The following CRIM1 variants were observed in gnomAD, a reference collection of about 807,000 sequenced individuals.
CRIM1 encodes cysteine-rich motor neuron 1 protein.
CRIM1 carries 32 observed loss-of-function variants against 116.4 expected under a neutral mutation model. The ratio of observed to expected loss-of-function variants is 0.27; its 90% CI spans 0.21 to 0.37. The LOEUF (loss-of-function observed/expected upper bound fraction) is 0.37, where lower values mean the gene tolerates loss of function less well. CRIM1 is among the 10% of genes least tolerant of loss of function. CRIM1 has a pLI of 1.00. For missense variants in CRIM1, 1,331 were observed against 1,354.8 expected (o/e 0.98, Z 0.28); for synonymous variants, 590 against 509.2 (o/e 1.16, Z -2.13).
At position 36,550,346 on chromosome 2, in the gene CRIM1, A is replaced by G. The variant is rs1370027526; in HGVS notation, c.*1645A>G. On this transcript the variant is annotated 3_prime_UTR_variant, in exon 17 of 17. Coordinates refer to ENST00000280527, the MANE Select transcript of CRIM1 (RefSeq NM_016441.3). The stretch of plus-strand genomic sequence containing the variant: ...TCAAATATAACTGACTGTATACTAT[A>G]GTGGTAACTTTTCAAACAGCCCTTA... 6.6e-6 allele frequency: 1 copy of G among 151,968 alleles called. No homozygotes were observed. Among genetic ancestry groups the G allele is most frequent in the Non-Finnish European group, 1.5e-5 (1 of 67,974 alleles). 9.4% of individuals were successfully genotyped at this position (151,968 alleles called of 1,614,324 possible).
chr2:36,533,314 G>A (rs1666243554), intron 13 of CRIM1, among the ~76,000 whole-genome samples: 1 of 151,260 alleles, frequency 6.6e-6, no homozygotes, highest in Non-Finnish European at 1.5e-5. Flanking sequence ...TGAGCAAGGT[G>A]TTGGTGGCTC....
chr2:36,547,571 G>GA (rs1667440930), intron 16 of CRIM1, among the ~76,000 whole-genome samples: 1 of 152,176 alleles, frequency 6.6e-6, no homozygotes, highest in African/African-American at 2.4e-5. Context: ...AAGGGATGGA[G>GA]ATAATACTCA....
At chr2:36,534,360 GAGGGAGGGAAGGGGAAGGA>G (rs1666355166) in intron 13 of CRIM1, among the ~76,000 whole-genome samples, 1 of 127,808 alleles carries the variant, frequency 7.8e-6, no homozygotes. Flanking sequence ...GGGAAGGAAA[GAGGGAGGGAAGGGGAAGGA>G]AGGGAGGGAG....
chr2:36,533,356 A>C (rs1332739187), intron 13 of CRIM1, among the ~76,000 whole-genome samples: 3 of 150,746 alleles, frequency 2.0e-5, no homozygotes, highest in Admixed American at 1.3e-4. Context: ...TGGGAGACTA[A>C]GGCAGGTAGC....
chr2:36,515,258 A>G (rs137868253), intron 11 of CRIM1, among the ~76,000 whole-genome samples: 13 of 152,348 alleles, frequency 8.5e-5, no homozygotes, highest in African/African-American at 2.9e-4. Context: ...AAGAATGGAT[A>G]ATTGACCTGA....
chr2:36,378,074 G>T (rs1325938132), intron 1 of CRIM1, among the ~76,000 whole-genome samples: 1 of 152,196 alleles, frequency 6.6e-6, no homozygotes, highest in Non-Finnish European at 1.5e-5. Flanking sequence ...ATATTAACGA[G>T]ACTTTACCCT....
At chr2:36,442,590 G>T in intron 3 of CRIM1, 25 bp from the exon 4 acceptor site, 3 of 1,613,954 alleles carry the variant, frequency 1.9e-6, no homozygotes, top group Non-Finnish European at 2.5e-6. Context: ...ACAATAAACG[G>T]TGCCTCTCTG....
chr2:36,447,265 C>T (rs1021821660), intron 4 of CRIM1, among the ~76,000 whole-genome samples: 2 of 152,106 alleles, frequency 1.3e-5, no homozygotes, highest in Non-Finnish European at 2.9e-5. Flanking sequence ...AAACCCTGTG[C>T]TCTTTCCACT....
chr2:36,494,481 T>C (rs548531115), intron 7 of CRIM1, among the ~76,000 whole-genome samples: 9 of 152,332 alleles, frequency 5.9e-5, no homozygotes, highest in African/African-American at 2.2e-4. Context: ...ATATTTTCTT[T>C]CAAAATTTTG....
At chr2:36,531,413 T>G (rs1228223187) in intron 13 of CRIM1, among the ~76,000 whole-genome samples, 1 of 151,780 alleles carries the variant, frequency 6.6e-6, no homozygotes, top group African/African-American at 2.4e-5. Context: ...TGTTTTTTTT[T>G]TTTTCCAGAG....
chr2:36,509,905 C>A, intron 8 of CRIM1, 78 bp from the exon 9 acceptor site: 1 of 1,313,324 alleles, frequency 7.6e-7, no homozygotes, highest in Non-Finnish European at 1.1e-6. Flanking sequence ...GTGGAGGATT[C>A]AGGGACCGTA....
At chr2:36,401,354 A>G (rs1209473221) in intron 2 of CRIM1, among the ~76,000 whole-genome samples, 2 of 152,212 alleles carry the variant, frequency 1.3e-5, no homozygotes, top group East Asian at 1.9e-4. Context: ...TGTCAGAGTG[A>G]TCTGTATTTT....
At chr2:36,485,123 C>T (rs193033820) in intron 7 of CRIM1, among the ~76,000 whole-genome samples, 5 of 152,304 alleles carry the variant, frequency 3.3e-5, no homozygotes, top group Admixed American at 1.3e-4. Flanking sequence ...CTAACCTGGA[C>T]TTAACTCTTG....
intron 13 of CRIM1, among the ~76,000 whole-genome samples, chr2:36,532,696 A>G (rs1290893715): frequency 6.6e-6 from 1 of 152,178 alleles, no homozygotes; most frequent in African/African-American, 2.4e-5. Context: ...GGACTGTGGA[A>G]CCAGACCCGC....
rs963758471 is a variant in CRIM1 at position 36,441,558 on chromosome 2, C to A, written c.748+58C>A. The stretch of plus-strand genomic sequence containing the variant: ...CCTTTGCATCAGAGGGTAGCAGATC[C>A]CTCCTCAGCCACCCCTGGCCTCTCC... On this transcript the variant is annotated intron_variant, in intron 3 of 16. Coordinates refer to ENST00000280527, the MANE Select transcript of CRIM1 (RefSeq NM_016441.3). 1.3e-5 allele frequency: 20 copies of A among 1,581,346 alleles called. No individual in the cohort carries two copies. The Admixed American group carries it at 3.2e-4, about 25-fold the overall frequency.
chr2:36,381,986 C>A (rs1459052032), intron 1 of CRIM1, among the ~76,000 whole-genome samples: 2 of 152,176 alleles, frequency 1.3e-5, no homozygotes, highest in Non-Finnish European at 2.9e-5. Flanking sequence ...CCCACCTGGA[C>A]CACACTTGGG....
chr2:36,451,650 A>G (rs561568862), intron 4 of CRIM1, among the ~76,000 whole-genome samples: 1 of 152,276 alleles, frequency 6.6e-6, no homozygotes, highest in African/African-American at 2.4e-5. Flanking sequence ...AGAGCTTTCC[A>G]AAGTTTGTCA....
intron 2 of CRIM1, among the ~76,000 whole-genome samples, chr2:36,402,060 A>G (rs558608359): frequency 1.3e-4 from 20 of 152,286 alleles, no homozygotes; most frequent in Admixed American, 8.5e-4. Context: ...ACAGGGCTGA[A>G]GGTCCATGGG....
chr2:36,496,864 G>T (rs1471785423), intron 7 of CRIM1, among the ~76,000 whole-genome samples: 2 of 152,138 alleles, frequency 1.3e-5, no homozygotes, highest in Non-Finnish European at 2.9e-5. Flanking sequence ...TCTAGCCACA[G>T]ATCACAACCT....
Sources: allele counts gnomAD v4.1 joint callset (sites outside exome capture counted in the v4.1 genomes callset), GRCh38; gene constraint gnomAD v4.1.1; transcripts MANE v1.5; gene names NCBI Gene and HGNC (gene_info 2026-07-23, HGNC 2026-07-21).